The following MAP1B variants were observed in gnomAD, a reference collection of about 807,000 sequenced individuals.
The protein encoded by MAP1B is microtubule-associated protein 1B.
A neutral mutation model predicts 176.1 loss-of-function variants in MAP1B; 12 were observed. The observed-to-expected ratio is 0.07, with a 90% CI of 0.04 to 0.11. The LOEUF (loss-of-function observed/expected upper bound fraction) is 0.11. Among genes scored for constraint, MAP1B ranks in the 10% least tolerant of loss-of-function variants. The pLI, the probability that MAP1B is intolerant of heterozygous loss-of-function variation, is 1.00. For synonymous variants in MAP1B, 1,044 were observed against 1,135.0 expected (o/e 0.92, Z 1.61); for missense variants, 2,523 against 2,990.5 (o/e 0.84, Z 3.65).
chr5:72,117,793 A>G (rs866284837), intron 2 of MAP1B, among the ~76,000 whole-genome samples: 1 of 152,336 alleles, frequency 6.6e-6, no homozygotes, highest in Middle Eastern at 3.4e-3. Flanking sequence ...TGTCAAGCCT[A>G]TGAGTACGCT....
intron 2 of MAP1B, among the ~76,000 whole-genome samples, chr5:72,154,925 C>T (rs963125361): frequency 1.3e-5 from 2 of 152,162 alleles, no homozygotes; most frequent in African/African-American, 4.8e-5. Context: ...TGCTGGTGCA[C>T]TGCAAATTAT....
intron 2 of MAP1B, among the ~76,000 whole-genome samples, chr5:72,150,709 A>G (rs921871242): frequency 2.0e-5 from 3 of 151,882 alleles, no homozygotes; most frequent in African/African-American, 7.3e-5. Flanking sequence ...GTGTCCATGT[A>G]TTTTCATCAT....
intron 2 of MAP1B, among the ~76,000 whole-genome samples, chr5:72,153,401 T>C (rs1017112980): frequency 6.6e-6 from 1 of 152,098 alleles, no homozygotes; most frequent in Non-Finnish European, 1.5e-5. Context: ...GAAAGTCTTT[T>C]AATTACATAA....
At chr5:72,163,340 G>A (rs1344245872) in intron 2 of MAP1B, among the ~76,000 whole-genome samples, 2 of 151,954 alleles carry the variant, frequency 1.3e-5, no homozygotes, top group African/African-American at 4.8e-5. Flanking sequence ...TGTAAATAAG[G>A]CAGTTATGTT....
At chr5:72,161,912 G>A (rs1362346020) in intron 2 of MAP1B, among the ~76,000 whole-genome samples, 2 of 140,754 alleles carry the variant, frequency 1.4e-5, no homozygotes, top group Non-Finnish European at 3.0e-5. Flanking sequence ...AGCCGAGATC[G>A]CGCCACTACA....
At chr5:72,177,815 G>GT (rs990898221) in intron 2 of MAP1B, among the ~76,000 whole-genome samples, 2 of 152,148 alleles carry the variant, frequency 1.3e-5, no homozygotes, top group African/African-American at 4.8e-5. Context: ...TCTCAAGAGT[G>GT]TTTTTTGCAC....
rs1406200961 is a variant in MAP1B, at chr5:72,195,766, C to T, written c.2411C>T (p.Thr804Ile). The T allele has an allele frequency of 6.2e-7, 1 of 1,614,260 alleles. No individual in the cohort carries two copies. The highest frequency in any genetic ancestry group is 1.7e-5 in the Admixed American group (1 of 60,038). ...GCTGCAGCTGTCGGCACTGGAGCCA[C>T]CACAGCAGCTGTCATGGCGGCAGCT... ...AVAAAVGTGA[T>I]TAAVMAAAGI... The change falls in exon 5 of 7, where the codon ACC becomes ATC. Residue 804 changes from threonine (T) to isoleucine (I), a missense_variant. By Grantham distance (89) the Thr-to-Ile change is moderately conservative (BLOSUM62 -1). This residue lies in a region of MAP1B where 1,925 missense variants were observed against 2,126.0 expected (regional missense o/e 0.91). Transcript: ENST00000296755.
chr5:72,163,839 A>T (rs1225923558), intron 2 of MAP1B, among the ~76,000 whole-genome samples: 2 of 151,566 alleles, frequency 1.3e-5, no homozygotes, highest in African/African-American at 4.9e-5. Flanking sequence ...AGATCCATAT[A>T]AATTCATATT....
chr5:72,139,951 A>C (rs754446925), intron 2 of MAP1B, among the ~76,000 whole-genome samples: 110 of 152,034 alleles, frequency 7.2e-4, no homozygotes, highest in Non-Finnish European at 1.5e-3. Flanking sequence ...ATATTGTATA[A>C]GGATGTATTA....
chr5:72,197,740 G>A lies in MAP1B; in HGVS notation c.4385G>A (p.Ser1462Asn), dbSNP rs557462077. The change falls in exon 5 of 7, where the codon AGC (serine) becomes AAC (asparagine). Residue 1462 changes from serine to asparagine, a missense_variant. Around this residue, in one of 4 missense-constraint regions of MAP1B, gnomAD observed 1,925 missense variants for 2,126.0 expected, o/e 0.91. Coordinates refer to ENST00000296755, the MANE Select transcript of MAP1B (RefSeq NM_005909.5). ...TACCAAGACAAACAGGAAGGGAAAA[G>A]CACAGACTTTGCACCAATAAAAGAA... ...SLYQDKQEGK[S>N]TDFAPIKEDF... The A allele has an allele frequency of 1.2e-6, 2 of 1,614,160 alleles. No homozygotes were observed. The highest frequency in any genetic ancestry group is 1.7e-6 in the Non-Finnish European group (2 of 1,180,024).
chr5:72,195,761 A>G lies in MAP1B; in HGVS notation c.2406A>G (p.Gly802=). Reference sequence around the variant, plus strand: ...CTGTCGCTGCAGCTGTCGGCACTGGAGCCACCACAGCAGCTGTCATGGCGG... The same window carrying G: ...CTGTCGCTGCAGCTGTCGGCACTGGGGCCACCACAGCAGCTGTCATGGCGG... ...AEAVAAAVGT[G]ATTAAVMAAA... The change falls in exon 5 of 7, where the codon GGA becomes GGG. Residue 802 remains glycine (G), a synonymous_variant. Transcript: ENST00000296755. 6.2e-7 allele frequency: 1 copy of G among 1,614,262 alleles called. No individual in the cohort carries two copies. The highest frequency in any genetic ancestry group is 1.7e-5 in the Admixed American group (1 of 60,026).
chr5:72,128,392 A>C (rs538010283), intron 2 of MAP1B, among the ~76,000 whole-genome samples: 2 of 142,636 alleles, frequency 1.4e-5, no homozygotes, highest in Admixed American at 7.2e-5. Context: ...AGAGTCATTG[A>C]TTGCAGATAT....
At chr5:72,191,560 G>A (rs1747027426) in intron 4 of MAP1B, among the ~76,000 whole-genome samples, 1 of 152,188 alleles carries the variant, frequency 6.6e-6, no homozygotes, top group Non-Finnish European at 1.5e-5. Context: ...CAAGGATGTA[G>A]GAGTTGTTCT....
intron 2 of MAP1B, among the ~76,000 whole-genome samples, chr5:72,169,930 T>C (rs982136473): frequency 1.2e-4 from 19 of 152,148 alleles, no homozygotes; most frequent in Admixed American, 3.3e-4. Context: ...ATGTAAGAAA[T>C]GGATTAGATT....
rs770358379 is a variant in MAP1B, at chr5:72,197,116, C to T, written c.3761C>T (p.Ser1254Leu). 1.9e-5 allele frequency: 31 copies of T among 1,614,070 alleles called. No homozygotes were observed. In the South Asian group the frequency reaches 2.2e-4, roughly 11 times the overall value. The stretch of plus-strand genomic sequence containing the variant: ...GTTTCAAGTGAAAAGGTCAGCCCAT[C>T]GAAGAGCCCGTCCCTGAGTCCATCT... ...SAVSSEKVSPSKSPSLSPSPP... is the reference protein window; with the variant it reads ...SAVSSEKVSPLKSPSLSPSPP... Residue 1254 changes from serine (S) to leucine (L), a missense_variant, in exon 5 of 7, where the codon TCG (serine) becomes TTG (leucine). This residue lies in a region of MAP1B where 1,925 missense variants were observed against 2,126.0 expected (regional missense o/e 0.91). Transcript: ENST00000296755.
chr5:72,144,694 C>T (rs957303039), intron 2 of MAP1B, among the ~76,000 whole-genome samples: 14 of 152,172 alleles, frequency 9.2e-5, no homozygotes, highest in Non-Finnish European at 1.2e-4. Flanking sequence ...CCATGCCAGG[C>T]CCACGCTGAA....
At chr5:72,169,330 G>A (rs1258679423) in intron 2 of MAP1B, 1 of 152,144 alleles carries the variant, frequency 6.6e-6, no homozygotes, top group Non-Finnish European at 1.5e-5. Context: ...TTTATGCATG[G>A]CAGTGGGTTT....
rs1432112250 is a variant in MAP1B, at chr5:72,199,603, G to T, written c.6248G>T (p.Cys2083Phe). 2.5e-6 allele frequency: 4 copies of T among 1,614,038 alleles called. No homozygotes were observed. The highest frequency in any genetic ancestry group is 3.4e-6 in the Non-Finnish European group (4 of 1,180,050). The change falls in exon 5 of 7, where the codon TGC becomes TTC. Residue 2083 changes from cysteine (C) to phenylalanine (F), a missense_variant. Cys to Phe is a radical substitution (Grantham distance 205, BLOSUM62 -2). Transcript: ENST00000296755. The surrounding 1 kb of genome is among the most constrained non-coding windows in gnomAD (Gnocchi z 4.2). Reference protein sequence around the residue: ...PSEARQDVDLCLVSSCEYKHP... With the variant: ...PSEARQDVDLFLVSSCEYKHP... ...GAAGCCCGTCAGGATGTCGATTTAT[G>T]CCTCGTGTCCTCTTGTGAATACAAG...
intron 2 of MAP1B, among the ~76,000 whole-genome samples, chr5:72,147,496 A>T (rs538436036): frequency 2.0e-5 from 3 of 151,882 alleles, no homozygotes; most frequent in Admixed American, 2.0e-4. Flanking sequence ...CTCTACCCTT[A>T]TGGGGTAGTG....
Sources: allele counts gnomAD v4.1 joint callset (sites outside exome capture counted in the v4.1 genomes callset), GRCh38; gene constraint gnomAD v4.1.1; regional missense constraint gnomAD v4.1.1; non-coding constraint Gnocchi (gnomAD v3.1); transcripts MANE v1.5; gene names NCBI Gene and HGNC (gene_info 2026-07-23, HGNC 2026-07-21).